The following CA13 variants were observed in gnomAD, a reference collection of about 807,000 sequenced individuals.
CA13 encodes the protein CA-XIII.
CA13 carries 21 observed loss-of-function variants against 31.5 expected under a neutral mutation model. The ratio of observed to expected loss-of-function variants is 0.67; its 90% CI spans 0.47 to 0.96. The LOEUF is 0.96. Ranked by LOEUF, CA13 falls within the 40% of genes least tolerant of loss-of-function variation. The probability of loss-of-function intolerance (pLI) is 0.00; values close to 1 mark genes in which losing one functional copy is unlikely to be tolerated. For synonymous variants in CA13, 117 were observed against 111.4 expected (o/e 1.05, Z -0.32); for missense variants, 315 against 318.9 (o/e 0.99, Z 0.09).
At chr8:85,256,801 G>GT (rs1451847481) in intron 2 of CA13, among the ~76,000 whole-genome samples, 1 of 152,176 alleles carries the variant, frequency 6.6e-6, no homozygotes, top group Non-Finnish European at 1.5e-5. Context: ...CTAGCCCATC[G>GT]TAAGCTCTTA....
intron 1 of CA13, among the ~76,000 whole-genome samples, chr8:85,247,179 C>CT (rs2129937898): frequency 6.6e-6 from 1 of 152,120 alleles, no homozygotes; most frequent in East Asian, 1.9e-4. Context: ...TATGACAAAT[C>CT]TTTTTTCATT....
At chr8:85,276,421 G>A (rs982172435) in intron 6 of CA13, among the ~76,000 whole-genome samples, 2 of 152,264 alleles carry the variant, frequency 1.3e-5, no homozygotes, top group Non-Finnish European at 1.5e-5. Context: ...GGCGCATGGC[G>A]CTGGGACTGG....
rs777801350 is a variant in CA13 at position 85,259,426 on chromosome 8, C to A, written c.241C>A (p.Arg81Ser). ...FDDTENKSVL[R>S]GGPLTGSYRL... The stretch of plus-strand genomic sequence containing the variant: ...TAAAACATGTTGTTGTTTAGTTCTG[C>A]GTGGTGGTCCTCTCACTGGAAGCTA... Residue 81 changes from arginine to serine, a missense_variant, in exon 3 of 7, where the codon CGT becomes AGT. Transcript: ENST00000321764. 6.2e-7 allele frequency: 1 copy of A among 1,612,910 alleles called. No homozygotes were observed. The highest frequency in any genetic ancestry group is 1.1e-5 in the South Asian group (1 of 91,052).
rs1813713718 is a variant in CA13 at position 85,245,792 on chromosome 8, C to A, written c.-37C>A. ...CCGCTCCCTCCTCTTTCTCGCTGCT[C>A]AGTCACATCTTTCTCTTCCTTCCAC... On this transcript the variant is annotated 5_prime_UTR_variant, in exon 1 of 7. Coordinates refer to ENST00000321764, the MANE Select transcript of CA13 (RefSeq NM_198584.3). The A allele has an allele frequency of 1.2e-6, 2 of 1,611,934 alleles. No individual in the cohort carries two copies. The highest frequency in any genetic ancestry group is 2.2e-5 in the East Asian group (1 of 44,874).
chr8:85,245,775 T>A lies in CA13; in HGVS notation c.-54T>A. 1 of 1,604,238 alleles carries A rather than the reference T, an allele frequency of 6.2e-7. No homozygotes were observed. The highest frequency in any genetic ancestry group is 8.5e-7 in the Non-Finnish European group (1 of 1,171,428). On this transcript the variant is annotated 5_prime_UTR_variant, in exon 1 of 7. Transcript: ENST00000321764. ...CCTTCCCGGGCCCCTCCCCGCTCCC[T>A]CCTCTTTCTCGCTGCTCAGTCACAT... is the stretch of plus-strand genomic sequence containing the variant.
chr8:85,259,549 A>G lies in CA13; in HGVS notation c.354+10A>G. 2 of 1,605,384 alleles carry G rather than the reference A, an allele frequency of 1.2e-6. No individual in the cohort carries two copies. Among genetic ancestry groups the G allele is most frequent in the Non-Finnish European group, 1.7e-6 (2 of 1,172,072 alleles). On this transcript the variant is annotated intron_variant, in intron 3 of 6. Coordinates refer to ENST00000321764, the MANE Select transcript of CA13 (RefSeq NM_198584.3). ...GAGCTATGCTGCAGAGGTAAGCCAT[A>G]AGACATATCTGTGATTCACAGTTTT...
In CA13 at chr8:85,245,756, C is replaced by T. The variant is rs560237993; in HGVS notation, c.-73C>T. The T allele has an allele frequency of 4.5e-6, 7 of 1,565,060 alleles. No individual in the cohort carries two copies. In the Admixed American group the frequency reaches 5.0e-5, roughly 11 times the overall value. On this transcript the variant is annotated 5_prime_UTR_variant, in exon 1 of 7. Transcript: ENST00000321764. The stretch of plus-strand genomic sequence containing the variant: ...GGTCCCGCCCTAGCAGGCTCCTTCC[C>T]GGGCCCCTCCCCGCTCCCTCCTCTT...
chr8:85,247,517 T>G (rs1215760889), intron 1 of CA13, among the ~76,000 whole-genome samples: 1 of 152,172 alleles, frequency 6.6e-6, no homozygotes, highest in Non-Finnish European at 1.5e-5. Flanking sequence ...CAGAGAAAGA[T>G]TGGGAAAATC....
At chr8:85,262,653 G>C (rs1241858397) in intron 3 of CA13, among the ~76,000 whole-genome samples, 1 of 152,192 alleles carries the variant, frequency 6.6e-6, no homozygotes, top group African/African-American at 2.4e-5. Context: ...TTGGGAAGTG[G>C]TGATATTTGC....
At chr8:85,275,679 TGTG>T (rs929791814) in intron 6 of CA13, among the ~76,000 whole-genome samples, 1 of 152,210 alleles carries the variant, frequency 6.6e-6, no homozygotes, top group Non-Finnish European at 1.5e-5. Context: ...ATTGTCCAAT[TGTG>T]GTGAAGCAAA....
rs1399890417 is a variant in CA13, at chr8:85,261,507, A to G, written c.354+1968A>G. ...GATGGTGCGATCTTGGCTTACTGCA[A>G]CCTCTGCCTCCTGGGTTCAAGTGCT... On this transcript the variant is annotated intron_variant, in intron 3 of 6. Coordinates refer to ENST00000321764, the MANE Select transcript of CA13 (RefSeq NM_198584.3). Among the ~76,000 whole-genome samples the G allele has an allele frequency of 5.3e-5, 8 of 151,850 alleles. No individual in the cohort carries two copies. In the East Asian group the frequency reaches 5.9e-4, roughly 11 times the overall value.
intron 3 of CA13, among the ~76,000 whole-genome samples, chr8:85,263,543 TA>T (rs1388503377): frequency 6.6e-6 from 1 of 151,870 alleles, no homozygotes; most frequent in African/African-American, 2.4e-5. Context: ...GTTTGGGAGA[TA>T]AAGTCAATAG....
At chr8:85,255,696 A>T (rs954805150) in intron 2 of CA13, among the ~76,000 whole-genome samples, 1 of 152,176 alleles carries the variant, frequency 6.6e-6, no homozygotes, top group African/African-American at 2.4e-5. Context: ...GAAATTCTTT[A>T]GGAAGACTTC....
intron 6 of CA13, among the ~76,000 whole-genome samples, chr8:85,271,738 G>A (rs114129928): frequency 5.3e-5 from 8 of 152,198 alleles, no homozygotes; most frequent in Admixed American, 3.9e-4. Context: ...GCTGATTTTG[G>A]TAACTGTATA....
At chr8:85,258,607 A>C (rs1345807245) in intron 2 of CA13, among the ~76,000 whole-genome samples, 1 of 151,882 alleles carries the variant, frequency 6.6e-6, no homozygotes, top group South Asian at 2.1e-4. Flanking sequence ...TCCCATTACT[A>C]TCTTGTTTTT....
In CA13 at chr8:85,268,572, T is replaced by C; in HGVS notation, c.614T>C (p.Leu205Pro). The change falls in exon 6 of 7, where the codon CTT becomes CCT. Residue 205 changes from leucine to proline, a missense_variant. Transcript: ENST00000321764. ...YPGSLTVPPL[L>P]ESVTWIVLKQ... ...GGTTCTCTTACAGTTCCACCTCTTC[T>C]TGAGAGTGTCACATGGATTGTTTTA... 1 of 1,614,086 alleles carries C rather than the reference T, an allele frequency of 6.2e-7. No homozygotes were observed. The highest frequency in any genetic ancestry group is 8.5e-7 in the Non-Finnish European group (1 of 1,179,954).
At chr8:85,272,974 C>T (rs1807548826) in intron 6 of CA13, among the ~76,000 whole-genome samples, 1 of 152,146 alleles carries the variant, frequency 6.6e-6, no homozygotes, top group South Asian at 2.1e-4. Context: ...CTTGCCACCA[C>T]ACCCAGCTAA....
In CA13 at chr8:85,269,877, T is replaced by C. The variant is rs186852000; in HGVS notation, c.669+1250T>C. On this transcript the variant is annotated intron_variant, in intron 6 of 6. Transcript: ENST00000321764. ...GTGCATGCCACCATGCCTGGCTTAT[T>C]TTTTTTTTGAAAAATTTTGTGTAGA... Among the ~76,000 whole-genome samples the C allele has an allele frequency of 1.6e-3, 239 of 151,714 alleles. 2 individuals carry two copies. The highest frequency in any genetic ancestry group is 5.6e-3 in the African/African-American group (233 of 41,440).
intron 5 of CA13, among the ~76,000 whole-genome samples, 192 bp downstream of exon 5, chr8:85,268,156 A>G (rs929778480): frequency 6.6e-6 from 1 of 152,228 alleles, no homozygotes; most frequent in East Asian, 1.9e-4. Flanking sequence ...ATAAACATGA[A>G]TAAATATACT....
Sources: gnomAD v4.1 joint callset for allele counts (sites outside exome capture counted in the v4.1 genomes callset) on GRCh38, gnomAD v4.1.1 for gene constraint, MANE v1.5 for transcripts, NCBI Gene and HGNC (gene_info 2026-07-23, HGNC 2026-07-21) for gene names.